The following SEMA6D variants were observed in gnomAD, a reference collection of about 807,000 sequenced individuals.
SEMA6D encodes semaphorin-6D.
Under a neutral mutation model 106.6 loss-of-function variants are expected in SEMA6D, and 35 were observed. That is an observed-to-expected ratio of 0.33 (90% CI 0.25 to 0.44). The LOEUF (loss-of-function observed/expected upper bound fraction) is 0.44, where lower values mean the gene tolerates loss of function less well. Ranked by LOEUF, SEMA6D falls within the 20% of genes least tolerant of loss-of-function variation. The probability of loss-of-function intolerance (pLI) is 1.00; values close to 1 mark genes in which losing one functional copy is unlikely to be tolerated. For synonymous variants in SEMA6D, 499 were observed against 487.7 expected, an observed-to-expected ratio of 1.02 and a Z score of -0.31; for missense variants, 1,185 against 1,345.9, an observed-to-expected ratio of 0.88 and a Z score of 1.87.
intron 3 of SEMA6D, among the ~76,000 whole-genome samples, chr15:47,476,849 G>T (rs922315329): frequency 2.0e-5 from 3 of 152,082 alleles, no homozygotes; most frequent in African/African-American, 7.2e-5. Context: ...TTTTCTGAGA[G>T]CCCTTGGTCA....
intron 2 of SEMA6D, among the ~76,000 whole-genome samples, chr15:47,435,064 C>T (rs976655259): frequency 7.9e-5 from 12 of 152,106 alleles, no homozygotes; most frequent in African/African-American, 2.7e-4. Flanking sequence ...TTAAACTTAA[C>T]CATGTTGGAA....
intron 3 of SEMA6D, among the ~76,000 whole-genome samples, chr15:47,572,758 G>A (rs1235633842): frequency 6.6e-6 from 1 of 152,012 alleles, no homozygotes; most frequent in East Asian, 1.9e-4. Context: ...AACCTATTCA[G>A]AGCTCTGGAA....
At chr15:47,444,671 C>G (rs1312560011) in intron 2 of SEMA6D, among the ~76,000 whole-genome samples, 3 of 152,080 alleles carry the variant, frequency 2.0e-5, no homozygotes, top group African/African-American at 7.2e-5. Context: ...TTTTTGGTCA[C>G]CATGTGCTCA....
chr15:47,212,756 C>T (rs1361849130), intron 1 of SEMA6D, among the ~76,000 whole-genome samples: 1 of 152,070 alleles, frequency 6.6e-6, no homozygotes, highest in Non-Finnish European at 1.5e-5. Flanking sequence ...AGGAAGGTGA[C>T]TGTATGACTA....
intron 1 of SEMA6D, among the ~76,000 whole-genome samples, chr15:47,198,786 A>G (rs992267521): frequency 1.3e-5 from 2 of 152,194 alleles, no homozygotes; most frequent in African/African-American, 4.8e-5. Context: ...CTTGACACCA[A>G]TATTTTTGAC....
At chr15:47,702,018 TTTC>T (rs1361454125) in intron 4 of SEMA6D, among the ~76,000 whole-genome samples, 1 of 152,222 alleles carries the variant, frequency 6.6e-6, no homozygotes, top group Admixed American at 6.6e-5. Flanking sequence ...ACTCGACATT[TTTC>T]TTCTTCTTTT....
At chr15:47,359,806 G>A (rs990567924) in intron 1 of SEMA6D, 1 of 152,166 alleles carries the variant, frequency 6.6e-6, no homozygotes, top group African/African-American at 2.4e-5. Context: ...CTTACGGAAG[G>A]TGACTAGGAA....
intron 4 of SEMA6D, among the ~76,000 whole-genome samples, chr15:47,624,779 A>G (rs1482892628): frequency 6.6e-6 from 1 of 152,206 alleles, no homozygotes; most frequent in Non-Finnish European, 1.5e-5. Context: ...GAGGCTTGAT[A>G]TATTTGGCTG....
chr15:47,603,131 A>G (rs1463466822), intron 4 of SEMA6D, among the ~76,000 whole-genome samples: 1 of 152,164 alleles, frequency 6.6e-6, no homozygotes, highest in Non-Finnish European at 1.5e-5. Flanking sequence ...TTTTTCATAT[A>G]TAAAGAGATA....
At chr15:47,315,915 C>T (rs1408881157) in intron 1 of SEMA6D, among the ~76,000 whole-genome samples, 5 of 151,702 alleles carry the variant, frequency 3.3e-5, no homozygotes, top group South Asian at 2.1e-4. Flanking sequence ...GGAGAATAAT[C>T]GACTTTTGTA....
chr15:47,338,878 G>A (rs34282646), intron 1 of SEMA6D, among the ~76,000 whole-genome samples: 22 of 151,962 alleles, frequency 1.4e-4, no homozygotes, highest in African/African-American at 4.8e-4. Flanking sequence ...TCTGATTGTA[G>A]GCTAAAATAC....
At chr15:47,670,185 C>T (rs1400261586) in intron 4 of SEMA6D, among the ~76,000 whole-genome samples, 1 of 152,192 alleles carries the variant, frequency 6.6e-6, no homozygotes, top group African/African-American at 2.4e-5. Flanking sequence ...TCTCTATGCT[C>T]CCTTAACTTC....
At chr15:47,258,101 A>G (rs2033900391) in intron 1 of SEMA6D, among the ~76,000 whole-genome samples, 1 of 151,948 alleles carries the variant, frequency 6.6e-6, no homozygotes, top group Non-Finnish European at 1.5e-5. Flanking sequence ...CCATCTTTTT[A>G]TTTTTGATTT....
intron 1 of SEMA6D, among the ~76,000 whole-genome samples, chr15:47,400,097 T>C (rs1476371778): frequency 6.6e-6 from 1 of 152,212 alleles, no homozygotes; most frequent in Non-Finnish European, 1.5e-5. Flanking sequence ...TGAAATGTTT[T>C]CCAGAATTCT....
intron 1 of SEMA6D, among the ~76,000 whole-genome samples, chr15:47,242,709 A>T (rs1036767084): frequency 6.6e-6 from 1 of 152,180 alleles, no homozygotes; most frequent in Non-Finnish European, 1.5e-5. Context: ...CAGGATTGGA[A>T]ATATATTTCT....
intron 4 of SEMA6D, among the ~76,000 whole-genome samples, chr15:47,663,397 T>C (rs1282976104): frequency 6.6e-6 from 1 of 152,222 alleles, no homozygotes; most frequent in Non-Finnish European, 1.5e-5. Context: ...TAGAACCAAA[T>C]TACCTTATTT....
chr15:47,495,059 A>G (rs1012304686), intron 3 of SEMA6D, among the ~76,000 whole-genome samples: 1 of 151,650 alleles, frequency 6.6e-6, no homozygotes, highest in African/African-American at 2.4e-5. Flanking sequence ...CAATAAAAAT[A>G]CTGAATATTT....
chr15:47,672,450 A>T (rs1025383478), intron 4 of SEMA6D, among the ~76,000 whole-genome samples: 2 of 152,246 alleles, frequency 1.3e-5, no homozygotes, highest in African/African-American at 4.8e-5. Flanking sequence ...ATAAAAGTCA[A>T]TCACATGGTA....
At chr15:47,268,624 G>A (rs1178874185) in intron 1 of SEMA6D, among the ~76,000 whole-genome samples, 1 of 152,064 alleles carries the variant, frequency 6.6e-6, no homozygotes, top group Non-Finnish European at 1.5e-5. Context: ...CAGCACTTAC[G>A]CCCATCTCCT....
Sources: allele counts gnomAD v4.1 joint callset (sites outside exome capture counted in the v4.1 genomes callset), GRCh38; gene constraint gnomAD v4.1.1; transcripts MANE v1.5; gene names NCBI Gene and HGNC (gene_info 2026-07-23, HGNC 2026-07-21).